Variants in ARB2A observed in about 807,000 individuals in gnomAD.
The protein encoded by ARB2A is ARB2 cotranscriptional regulator A.
the ARB2A span, among the ~76,000 whole-genome samples, chr5:93,828,834 T>C: frequency 6.6e-6 from 1 of 152,204 alleles, no homozygotes; most frequent in Non-Finnish European, 1.5e-5. Flanking sequence ...AGGAGTGTGG[T>C]GGCGCAATCT....
the ARB2A span, among the ~76,000 whole-genome samples, chr5:93,957,895 T>C: frequency 5.3e-5 from 8 of 152,066 alleles, no homozygotes; most frequent in African/African-American, 1.9e-4. Context: ...TATATTCCTT[T>C]ACTTTTTACA....
the ARB2A span, among the ~76,000 whole-genome samples, chr5:93,762,314 A>G: frequency 6.6e-6 from 1 of 152,160 alleles, no homozygotes; most frequent in Non-Finnish European, 1.5e-5. Flanking sequence ...AAAAAATTAG[A>G]CGAATGGCTG....
At chr5:93,772,954 G>A in the ARB2A span, among the ~76,000 whole-genome samples, 1 of 152,238 alleles carries the variant, frequency 6.6e-6, no homozygotes, top group Non-Finnish European at 1.5e-5. Context: ...ACCTTTTGAA[G>A]ACTCAGCTGT....
At chr5:93,737,795 T>A in the ARB2A span, 3 of 344,096 alleles carry the variant, frequency 8.7e-6, no homozygotes, top group Non-Finnish European at 5.7e-6. Flanking sequence ...TGCAAAAGAA[T>A]GAAGTTGGGC....
At chr5:93,850,696 C>CT in the ARB2A span, among the ~76,000 whole-genome samples, 1 of 152,100 alleles carries the variant, frequency 6.6e-6, no homozygotes, top group African/African-American at 2.4e-5. Flanking sequence ...AATTTAGACT[C>CT]TTTTTGAAAT....
chr5:93,887,836 T>C, the ARB2A span, among the ~76,000 whole-genome samples: 1 of 151,956 alleles, frequency 6.6e-6, no homozygotes, highest in Admixed American at 6.6e-5. Flanking sequence ...TAATCTCATT[T>C]TGAATGTTTG....
the ARB2A span, among the ~76,000 whole-genome samples, chr5:93,807,415 T>C: frequency 3.5e-4 from 53 of 151,948 alleles, no homozygotes; most frequent in African/African-American, 1.3e-3. Flanking sequence ...ATTTCCATAT[T>C]TGACAAATTT....
the ARB2A span, among the ~76,000 whole-genome samples, chr5:93,751,587 G>C: frequency 6.6e-6 from 1 of 152,102 alleles, no homozygotes. Context: ...TGCTTTTAAA[G>C]TGCTGATAAT....
chr5:93,900,050 T>TA, the ARB2A span, among the ~76,000 whole-genome samples: 2 of 152,130 alleles, frequency 1.3e-5, no homozygotes, highest in Admixed American at 6.5e-5. Context: ...ACTTAGTGAT[T>TA]AAAAAAATCA....
chr5:94,103,952 G>T, the ARB2A span, among the ~76,000 whole-genome samples: 1 of 151,836 alleles, frequency 6.6e-6, no homozygotes, highest in African/African-American at 2.4e-5. Flanking sequence ...TAAATTTTTT[G>T]AAACTAATGA....
chr5:93,663,987 T>C, the ARB2A span, among the ~76,000 whole-genome samples: 3 of 152,192 alleles, frequency 2.0e-5, no homozygotes, highest in Non-Finnish European at 4.4e-5. Flanking sequence ...AGGAACGCTT[T>C]CCAAAGGGTT....
the ARB2A span, among the ~76,000 whole-genome samples, chr5:93,777,983 G>T: frequency 1.3e-5 from 2 of 152,070 alleles, no homozygotes; most frequent in East Asian, 1.9e-4. Flanking sequence ...GCAGATTTTT[G>T]TAAGAAACAG....
chr5:93,922,397 G>T, the ARB2A span, among the ~76,000 whole-genome samples: 1 of 151,694 alleles, frequency 6.6e-6, no homozygotes, highest in Non-Finnish European at 1.5e-5. Context: ...TGCCAGGTGT[G>T]GTGGCGCATG....
the ARB2A span, among the ~76,000 whole-genome samples, chr5:93,656,310 T>TA: frequency 2.0e-5 from 3 of 152,308 alleles, no homozygotes; most frequent in African/African-American, 7.2e-5. Flanking sequence ...TTCCAAACAT[T>TA]AAAAAATGAC....
the ARB2A span, among the ~76,000 whole-genome samples, chr5:93,781,190 A>T: frequency 6.6e-6 from 1 of 152,024 alleles, no homozygotes; most frequent in Non-Finnish European, 1.5e-5. Context: ...GGAGTCTCCA[A>T]TGTCTATTAT....
the ARB2A span, among the ~76,000 whole-genome samples, chr5:94,026,029 G>A: frequency 6.6e-6 from 1 of 152,236 alleles, no homozygotes; most frequent in East Asian, 1.9e-4. Context: ...TAGACCAGGT[G>A]TGTTGCAAGC....
chr5:93,630,997 A>G, the ARB2A span, among the ~76,000 whole-genome samples: 10 of 151,912 alleles, frequency 6.6e-5, no homozygotes, highest in Admixed American at 3.9e-4. Flanking sequence ...GGTCCAAGCA[A>G]TCCTCCTGCC....
the ARB2A span, among the ~76,000 whole-genome samples, chr5:93,881,138 A>T: frequency 1.5e-4 from 22 of 151,670 alleles, no homozygotes; most frequent in Non-Finnish European, 2.4e-4. Flanking sequence ...CCTTAAAGAA[A>T]CAGCGTGTTT....
the ARB2A span, among the ~76,000 whole-genome samples, chr5:93,976,968 C>G: frequency 1.3e-5 from 2 of 151,454 alleles, no homozygotes; most frequent in East Asian, 3.9e-4. Flanking sequence ...AACATTCAAG[C>G]TGAGAACCAA....
Sources: gnomAD v4.1 joint callset for allele counts (sites outside exome capture counted in the v4.1 genomes callset) on GRCh38, gnomAD v4.1.1 for gene constraint, MANE v1.5 for transcripts, NCBI Gene and HGNC (gene_info 2026-07-23, HGNC 2026-07-21) for gene names.